NEK6: variants seen among roughly 807,000 people sequenced by gnomAD.
The protein encoded by NEK6 is serine/threonine-protein kinase Nek6.
Under a neutral mutation model 43.5 loss-of-function variants are expected in NEK6, and 27 were observed. The ratio of observed to expected loss-of-function variants is 0.62; its 90% CI spans 0.46 to 0.86. The LOEUF (loss-of-function observed/expected upper bound fraction) is 0.86, where lower values mean the gene tolerates loss of function less well. Among genes scored for constraint, NEK6 ranks in the 40% least tolerant of loss-of-function variants. The pLI, the probability that NEK6 is intolerant of heterozygous loss-of-function variation, is 0.00. For synonymous variants in NEK6, 167 were observed against 164.1 expected (o/e 1.02, Z -0.14); for missense variants, 318 against 414.4 (o/e 0.77, Z 2.02).
intron 8 of NEK6, among the ~76,000 whole-genome samples, chr9:124,345,365 G>C (rs1829864538): frequency 6.6e-6 from 1 of 152,242 alleles, no homozygotes; most frequent in Non-Finnish European, 1.5e-5. Context: ...GCAGCAGAGT[G>C]GGGGCAGGCT....
intron 7 of NEK6, among the ~76,000 whole-genome samples, chr9:124,331,268 AAAAAAC>A (rs960353679): frequency 1.3e-5 from 2 of 148,600 alleles, no homozygotes; most frequent in African/African-American, 4.9e-5. Flanking sequence ...TCAAAAAAAA[AAAAAAC>A]AAAACATTTT....
At chr9:124,333,200 C>T (rs1345287995) in intron 7 of NEK6, among the ~76,000 whole-genome samples, 1 of 152,238 alleles carries the variant, frequency 6.6e-6, no homozygotes, top group East Asian at 1.9e-4. Flanking sequence ...ATCTTCAAAA[C>T]TCATGCGAGT....
Position 124,327,326 on chromosome 9 carries a change from C to T in NEK6, c.515-12C>T, listed in dbSNP as rs776122766. The T allele has an allele frequency of 8.1e-6, 13 of 1,612,580 alleles. No homozygotes were observed. The highest frequency in any genetic ancestry group is 1.1e-5 in the Non-Finnish European group (13 of 1,178,936). On this transcript the variant is annotated splice_polypyrimidine_tract_variant and intron_variant, in intron 6 of 9. Coordinates refer to ENST00000320246, the MANE Select transcript of NEK6 (RefSeq NM_014397.6). ...CCTACCCCACACCAATCTCCTTCTCCTCGCCCTGCAGACATCAAGCCTGCC... is the reference window on the plus strand; with the variant it reads ...CCTACCCCACACCAATCTCCTTCTCTTCGCCCTGCAGACATCAAGCCTGCC...
intron 4 of NEK6, among the ~76,000 whole-genome samples, chr9:124,320,224 C>T (rs970304817): frequency 6.6e-6 from 1 of 152,154 alleles, no homozygotes; most frequent in Non-Finnish European, 1.5e-5. Context: ...AGGCAGTGGG[C>T]GCCATAGCAG....
intron 1 of NEK6, among the ~76,000 whole-genome samples, chr9:124,278,443 C>T (rs892588202): frequency 6.6e-6 from 1 of 152,128 alleles, no homozygotes; most frequent in Non-Finnish European, 1.5e-5. Flanking sequence ...CAGGTCTGTC[C>T]GGGTGTCGTT....
At chr9:124,292,756 A>T in intron 1 of NEK6, 1 of 1,235,734 alleles carries the variant, frequency 8.1e-7, no homozygotes, top group South Asian at 1.6e-5. Flanking sequence ...GTACTGAGTC[A>T]GCAACCAGTT....
chr9:124,320,766 GGCAGCTCTCAT>G (rs747183532), intron 4 of NEK6, among the ~76,000 whole-genome samples: 17 of 152,234 alleles, frequency 1.1e-4, no homozygotes, highest in Non-Finnish European at 1.6e-4. Context: ...AAATCAGCCG[GGCAGCTCTCAT>G]GCCTCCAGGG....
At chr9:124,337,915 T>G (rs1209652844) in intron 7 of NEK6, among the ~76,000 whole-genome samples, 3 of 152,244 alleles carry the variant, frequency 2.0e-5, no homozygotes, top group Non-Finnish European at 2.9e-5. Flanking sequence ...TTTCTTTAAC[T>G]TTGGTTTTTT....
intron 1 of NEK6, chr9:124,292,335 C>T: frequency 6.9e-7 from 1 of 1,455,596 alleles, no homozygotes; most frequent in Non-Finnish European, 9.1e-7. Context: ...CTGATGGCTG[C>T]TTTCACATTG....
chr9:124,324,542 C>G lies in NEK6; in HGVS notation c.406-1788C>G, dbSNP rs963917760. ...GGACATGACATTTAGAAAATCACCA[C>G]TCTCGGCCACGCGCGTCCCTGCTTA... On this transcript the variant is annotated intron_variant, in intron 5 of 9. Coordinates refer to ENST00000320246, the MANE Select transcript of NEK6 (RefSeq NM_014397.6). The surrounding 1 kb of genome is among the most constrained non-coding windows in gnomAD (Gnocchi z 5.3). 1.3e-4 allele frequency among the ~76,000 whole-genome samples: 20 copies of G among 152,134 alleles called. No homozygotes were observed. Among genetic ancestry groups the G allele is most frequent in the Non-Finnish European group, 2.9e-4 (20 of 68,016 alleles).
intron 1 of NEK6, among the ~76,000 whole-genome samples, chr9:124,282,339 G>A (rs1051206542): frequency 3.3e-5 from 5 of 152,144 alleles, no homozygotes; most frequent in Admixed American, 1.3e-4. Context: ...TTCCTTGTGC[G>A]TCTGTCTCTG....
chr9:124,314,471 T>C (rs1180768995), intron 4 of NEK6, among the ~76,000 whole-genome samples: 2 of 151,612 alleles, frequency 1.3e-5, no homozygotes, highest in Non-Finnish European at 2.9e-5. Flanking sequence ...GTTTTGTTGG[T>C]AGTGGTGGTG....
intron 8 of NEK6, among the ~76,000 whole-genome samples, chr9:124,344,395 G>A (rs1384428190): frequency 6.6e-6 from 1 of 152,234 alleles, no homozygotes; most frequent in Non-Finnish European, 1.5e-5. Flanking sequence ...GTGGCCACCG[G>A]AGTTGCTGGC....
chr9:124,318,826 C>G (rs372719243), intron 4 of NEK6, among the ~76,000 whole-genome samples: 5 of 152,154 alleles, frequency 3.3e-5, no homozygotes, highest in African/African-American at 1.2e-4. Context: ...CACCCACCAT[C>G]ATGCTCGGCT....
intron 7 of NEK6, among the ~76,000 whole-genome samples, chr9:124,332,488 A>G (rs1482386454): frequency 6.6e-6 from 1 of 152,050 alleles, no homozygotes; most frequent in African/African-American, 2.4e-5. Context: ...TGCTGTCCCC[A>G]CCTGCCCCTG....
At chr9:124,313,785 G>A (rs898219925) in intron 3 of NEK6, 138 bp from the exon 4 acceptor site, 21 of 764,570 alleles carry the variant, frequency 2.7e-5, no homozygotes, top group Non-Finnish European at 4.6e-5. Flanking sequence ...TACAGGGGCT[G>A]GGAGTGCAGG....
intron 4 of NEK6, among the ~76,000 whole-genome samples, chr9:124,320,467 C>T (rs944020000): frequency 2.6e-4 from 40 of 152,226 alleles, no homozygotes; most frequent in Admixed American, 2.6e-3. Flanking sequence ...ACTTCCGGGC[C>T]TTTTGGGAAA....
chr9:124,340,934 G>C lies in NEK6; in HGVS notation c.717+1269G>C, dbSNP rs75316506. Reference sequence around the variant, plus strand: ...CCGCGGCCGCTCTCGTGGCCAGGGGGTCTTGTGGCCAGGGTCTTTTGGTGG... The same window carrying C: ...CCGCGGCCGCTCTCGTGGCCAGGGGCTCTTGTGGCCAGGGTCTTTTGGTGG... On this transcript the variant is annotated intron_variant, in intron 8 of 9. Coordinates refer to ENST00000320246, the MANE Select transcript of NEK6 (RefSeq NM_014397.6). 8.5e-3 allele frequency among the ~76,000 whole-genome samples: 1,293 copies of C among 152,338 alleles called. 19 individuals are homozygous for C. Among genetic ancestry groups the C allele is most frequent in the African/African-American group, 0.029 (1,225 of 41,584 alleles).
chr9:124,326,691 A>T lies in NEK6; in HGVS notation c.514+253A>T, dbSNP rs570591351. On this transcript the variant is annotated intron_variant, in intron 6 of 9. Coordinates refer to ENST00000320246, the MANE Select transcript of NEK6 (RefSeq NM_014397.6). The surrounding 1 kb of genome is among the most constrained non-coding windows in gnomAD (Gnocchi z 4.5). ...CACACCACTTCCAGTTCCCCACAGCAGCCTGGGAGGGAGGTCGAGGAAGCC... is the reference window on the plus strand; with the variant it reads ...CACACCACTTCCAGTTCCCCACAGCTGCCTGGGAGGGAGGTCGAGGAAGCC... Among the ~76,000 whole-genome samples the T allele has an allele frequency of 2.0e-5, 3 of 152,308 alleles. No homozygotes were observed. The highest frequency in any genetic ancestry group is 7.2e-5 in the African/African-American group (3 of 41,584).
Sources: allele counts gnomAD v4.1 joint callset (sites outside exome capture counted in the v4.1 genomes callset), GRCh38; gene constraint gnomAD v4.1.1; non-coding constraint Gnocchi (gnomAD v3.1); transcripts MANE v1.5; gene names NCBI Gene and HGNC (gene_info 2026-07-23, HGNC 2026-07-21).